The following GDA variants were observed in gnomAD, a reference collection of about 807,000 sequenced individuals.
The protein encoded by GDA is cytoplasmic PSD-95 interactor.
In GDA, 18 loss-of-function variants were observed where a neutral mutation model predicts 59.6. The observed-to-expected ratio is 0.30, with a 90% CI of 0.21 to 0.45. The LOEUF is 0.45. Among genes scored for constraint, GDA ranks in the 20% least tolerant of loss-of-function variants. The pLI is 1.00. For synonymous variants in GDA, 201 were observed against 201.1 expected, an observed-to-expected ratio of 1.00 and a Z score of 0.00; for missense variants, 427 against 552.3, an observed-to-expected ratio of 0.77 and a Z score of 2.27.
At chr9:72,181,091 C>T (rs7853683) in intron 1 of GDA, among the ~76,000 whole-genome samples, 30,000 of 152,000 alleles carry the variant, frequency 0.2, 3,560 homozygotes, top group African/African-American at 0.34. Flanking sequence ...AATTTGGTTT[C>T]ACTCATACAT....
At chr9:72,147,616 ATT>A (rs5898249), upstream of GDA, among the ~76,000 whole-genome samples, 943 of 148,850 alleles carry the variant, frequency 6.3e-3, 4 homozygotes, top group Non-Finnish European at 8.9e-3. Flanking sequence ...ACTAGTCTCT[ATT>A]TTTTTTTTTT....
At chr9:72,161,486 A>C (rs1828626985) in intron 1 of GDA, among the ~76,000 whole-genome samples, 1 of 145,016 alleles carries the variant, frequency 6.9e-6, no homozygotes, top group South Asian at 2.1e-4. Context: ...TGGGAGCTGT[A>C]ATTAGTTTTA....
At position 72,149,688 on chromosome 9, in the gene GDA, C is replaced by G; in HGVS notation, c.123+6C>G. 6.3e-7 allele frequency: 1 copy of G among 1,596,650 alleles called. No homozygotes were observed. The highest frequency in any genetic ancestry group is 8.5e-7 in the Non-Finnish European group (1 of 1,172,960). On this transcript the variant is annotated splice_donor_region_variant and intron_variant, in intron 1 of 13. Coordinates refer to ENST00000358399, the MANE Select transcript of GDA (RefSeq NM_004293.5). ...GCGTGAGCGACAGCGGCAAAGTAAGCAGGCGCGGGGTCGAGCGCACTCCGA... is the reference window on the plus strand; with the variant it reads ...GCGTGAGCGACAGCGGCAAAGTAAGGAGGCGCGGGGTCGAGCGCACTCCGA...
chr9:72,221,510 T>C (rs923177873), intron 6 of GDA, among the ~76,000 whole-genome samples: 1 of 152,264 alleles, frequency 6.6e-6, no homozygotes, highest in African/African-American at 2.4e-5. Flanking sequence ...CTGTATGATA[T>C]GCATTTTGGG....
At chr9:72,133,370 G>A (rs542569664) in intron 1 of GDA, among the ~76,000 whole-genome samples, 64 of 148,440 alleles carry the variant, frequency 4.3e-4, no homozygotes, top group Non-Finnish European at 1.8e-4. Flanking sequence ...TTATTTTTCA[G>A]TACTTAATCT....
intron 1 of GDA, among the ~76,000 whole-genome samples, chr9:72,179,327 A>T (rs563733477): frequency 8.5e-5 from 13 of 152,218 alleles, no homozygotes; most frequent in Non-Finnish European, 1.9e-4. Context: ...GAACTTTTAC[A>T]GTTCACTGGA....
At chr9:72,188,350 C>T (rs1832102021) in intron 1 of GDA, among the ~76,000 whole-genome samples, 1 of 152,176 alleles carries the variant, frequency 6.6e-6, no homozygotes, top group Non-Finnish European at 1.5e-5. Context: ...GAGCAACCTA[C>T]ACAGGCTCCC....
intron 1 of GDA, among the ~76,000 whole-genome samples, chr9:72,166,914 G>T (rs965327474): frequency 6.6e-6 from 1 of 152,050 alleles, no homozygotes; most frequent in Non-Finnish European, 1.5e-5. Context: ...ACATATCATT[G>T]TGCATTGTTC....
intron 4 of GDA, among the ~76,000 whole-genome samples, chr9:72,213,290 A>C (rs1835621360): frequency 6.6e-6 from 1 of 152,024 alleles, no homozygotes; most frequent in African/African-American, 2.4e-5. Context: ...ACAAACAAAC[A>C]AAAAAACCAA....
intron 5 of GDA, among the ~76,000 whole-genome samples, chr9:72,216,465 G>A (rs1280675234): frequency 1.3e-5 from 2 of 151,992 alleles, no homozygotes; most frequent in East Asian, 1.9e-4. Context: ...AACAAAATGT[G>A]GTATACAATG....
intron 11 of GDA, among the ~76,000 whole-genome samples, chr9:72,244,429 C>G (rs1398692208): frequency 6.6e-6 from 1 of 152,130 alleles, no homozygotes; most frequent in Non-Finnish European, 1.5e-5. Context: ...ATGAGATGAG[C>G]CAAGTCAATA....
intron 2 of GDA, among the ~76,000 whole-genome samples, chr9:72,200,454 C>T (rs1038875063): frequency 2.0e-5 from 3 of 151,120 alleles, no homozygotes; most frequent in African/African-American, 7.3e-5. Flanking sequence ...TTTCTTTCTC[C>T]TCATTTTTCT....
intron 1 of GDA, among the ~76,000 whole-genome samples, chr9:72,178,607 A>G (rs1006627298): frequency 2.6e-5 from 4 of 151,966 alleles, no homozygotes; most frequent in Admixed American, 1.3e-4. Flanking sequence ...TAGTAGAGGC[A>G]GGGTTTCACC....
chr9:72,227,844 A>T lies in GDA; in HGVS notation c.823-99A>T. 4.4e-6 allele frequency: 3 copies of T among 675,714 alleles called. No individual in the cohort carries two copies. In the African/African-American group the frequency reaches 5.3e-5, roughly 12 times the overall value. The allele number at this position is 675,714 out of a possible 1,614,324, so 41.9% of individuals were successfully genotyped here. A position where few individuals can be genotyped will look rare whatever the true frequency, so the allele number is the denominator to read the frequency against. On this transcript the variant is annotated intron_variant, in intron 8 of 13. Coordinates refer to ENST00000358399, the MANE Select transcript of GDA (RefSeq NM_004293.5). ...TGTTCTTGTGAAGATGCTAACAGCC[A>T]AGCTACAGCTTCGGTCTCTCTCTAA...
chr9:72,218,850 A>G (rs1207448641), intron 5 of GDA, among the ~76,000 whole-genome samples: 2 of 152,236 alleles, frequency 1.3e-5, no homozygotes, highest in East Asian at 3.8e-4. Context: ...ATATATTGCA[A>G]CATTTCTCCA....
chr9:72,156,812 G>A (rs1218337309), intron 1 of GDA, among the ~76,000 whole-genome samples: 1 of 152,248 alleles, frequency 6.6e-6, no homozygotes, highest in South Asian at 2.1e-4. Context: ...TGACATACAG[G>A]AAGTTTGCTC....
chr9:72,176,786 T>C (rs1328686146), intron 1 of GDA, among the ~76,000 whole-genome samples: 1 of 152,212 alleles, frequency 6.6e-6, no homozygotes, highest in Non-Finnish European at 1.5e-5. Context: ...ACTGTGGTAA[T>C]CTTAACTTTT....
chr9:72,200,277 T>A (rs1370505294), intron 2 of GDA, among the ~76,000 whole-genome samples: 45 of 152,294 alleles, frequency 3.0e-4, no homozygotes, highest in South Asian at 1.9e-3. Context: ...ATTACAGGCG[T>A]GAGCCACCGT....
chr9:72,202,858 A>T, intron 3 of GDA, 116 bp downstream of exon 3: 1 of 750,916 alleles, frequency 1.3e-6, no homozygotes, highest in Non-Finnish European at 2.2e-6. Context: ...TGGGCCATAG[A>T]GAATTTTTAA....
Sources: allele counts gnomAD v4.1 joint callset (sites outside exome capture counted in the v4.1 genomes callset), GRCh38; gene constraint gnomAD v4.1.1; transcripts MANE v1.5; gene names NCBI Gene and HGNC (gene_info 2026-07-23, HGNC 2026-07-21).